The following YEATS2 variants were observed in gnomAD, a reference collection of about 807,000 sequenced individuals.
YEATS2 encodes YEATS domain-containing protein 2.
Under a neutral mutation model 163.2 loss-of-function variants are expected in YEATS2, and 77 were observed. That is an observed-to-expected ratio of 0.47 (90% CI 0.39 to 0.57). YEATS2 has a LOEUF of 0.57. Among genes scored for constraint, YEATS2 ranks in the 20% least tolerant of loss-of-function variants. The pLI, the probability that YEATS2 is intolerant of heterozygous loss-of-function variation, is 0.00. For synonymous variants in YEATS2, 631 were observed against 645.1 expected (o/e 0.98, Z 0.33); for missense variants, 1,549 against 1,729.8 (o/e 0.90, Z 1.85).
intron 20 of YEATS2, among the ~76,000 whole-genome samples, chr3:183,790,450 C>T (rs1483652382): frequency 6.6e-6 from 1 of 152,094 alleles, no homozygotes; most frequent in Non-Finnish European, 1.5e-5. Flanking sequence ...TAATAAAGCT[C>T]ATTTTTAGTC....
rs538154583 is a variant in YEATS2 at position 183,736,693 on chromosome 3, C to T, written c.813-25C>T. On this transcript the variant is annotated intron_variant, in intron 7 of 30. Coordinates refer to ENST00000305135, the MANE Select transcript of YEATS2 (RefSeq NM_018023.5). ...GGATGAGAGAGTGAACATGGATGAACGTGTTAATATCTGCTTTTCCATAGA... is the reference window on the plus strand; with the variant it reads ...GGATGAGAGAGTGAACATGGATGAATGTGTTAATATCTGCTTTTCCATAGA... The T allele has an allele frequency of 1.2e-5, 19 of 1,580,782 alleles. No individual in the cohort carries two copies. In the South Asian group the frequency reaches 1.7e-4, roughly 14 times the overall value.
At chr3:183,788,779 C>T (rs1308116345) in intron 20 of YEATS2, among the ~76,000 whole-genome samples, 3 of 152,184 alleles carry the variant, frequency 2.0e-5, no homozygotes, top group African/African-American at 7.2e-5. Flanking sequence ...TACGAGGGTT[C>T]CCTCTTCACA....
At chr3:183,759,099 G>A in intron 13 of YEATS2, 134 bp downstream of exon 13, 1 of 593,076 alleles carries the variant, frequency 1.7e-6, no homozygotes, top group Non-Finnish European at 2.8e-6. Context: ...CAAGAGATCT[G>A]CCACCTCACC....
intron 17 of YEATS2, among the ~76,000 whole-genome samples, chr3:183,774,581 A>G (rs1722785147): frequency 6.6e-6 from 1 of 152,234 alleles, no homozygotes; most frequent in Admixed American, 6.5e-5. Flanking sequence ...TGTAAGTCTT[A>G]AAGCCCCATG....
chr3:183,698,345 G>A (rs1462744650), intron 1 of YEATS2, among the ~76,000 whole-genome samples: 1 of 152,188 alleles, frequency 6.6e-6, no homozygotes, highest in East Asian at 1.9e-4. Context: ...CCAGAAAGTC[G>A]TGGGTTTACC....
At chr3:183,726,861 G>T (rs898267937) in intron 6 of YEATS2, among the ~76,000 whole-genome samples, 1 of 152,116 alleles carries the variant, frequency 6.6e-6, no homozygotes, top group African/African-American at 2.4e-5. Flanking sequence ...GAGTGCAATG[G>T]CGCGATCTCA....
At chr3:183,759,026 A>G in intron 13 of YEATS2, 61 bp downstream of exon 13, 1 of 1,237,128 alleles carries the variant, frequency 8.1e-7, no homozygotes, top group East Asian at 2.6e-5. Flanking sequence ...TTTTTAAAAA[A>G]TAATTTTTCA....
rs201594900 is a variant in YEATS2, at chr3:183,797,877, G to A, written c.3098-46G>A. On this transcript the variant is annotated intron_variant, in intron 21 of 30. Coordinates refer to ENST00000305135, the MANE Select transcript of YEATS2 (RefSeq NM_018023.5). ...AGCACAGAGGATAAGAGACTTTCCC[G>A]AAGCACCTGACCTTCAACTTGGCTT... 416 of 1,610,750 alleles carry A rather than the reference G, an allele frequency of 2.6e-4. 1 individual carries two copies. In the African/African-American group the frequency reaches 5.2e-3, roughly 20 times the overall value.
intron 1 of YEATS2, among the ~76,000 whole-genome samples, 186 bp from the exon 2 acceptor site, chr3:183,714,958 T>C (rs1392812272): frequency 6.6e-6 from 1 of 152,068 alleles, no homozygotes; most frequent in Non-Finnish European, 1.5e-5. Flanking sequence ...CTTTTGGCCT[T>C]AAAAGAAATA....
chr3:183,789,382 T>G (rs1724369061), intron 20 of YEATS2, among the ~76,000 whole-genome samples: 1 of 152,130 alleles, frequency 6.6e-6, no homozygotes. Context: ...CCAACTTACC[T>G]ATTTTTCTTT....
chr3:183,798,461 C>T (rs1235542886), intron 22 of YEATS2, among the ~76,000 whole-genome samples: 1 of 152,164 alleles, frequency 6.6e-6, no homozygotes, highest in Admixed American at 6.5e-5. Flanking sequence ...TCAAGCGATT[C>T]GCATGCCTCA....
At chr3:183,747,767 A>G (rs1480604696) in intron 9 of YEATS2, 51 bp downstream of exon 9, 8 of 1,561,022 alleles carry the variant, frequency 5.1e-6, no homozygotes. Context: ...ATGAAAATTG[A>G]TCTTCATTTT....
Position 183,776,029 on chromosome 3 carries a change from G to T in YEATS2, c.2483G>T (p.Gly828Val), listed in dbSNP as rs758194170. The change falls in exon 18 of 31, where the codon GGA (glycine) becomes GTA (valine). Residue 828 changes from glycine to valine, a missense_variant. Gly to Val is a moderately radical substitution (Grantham distance 109). Coordinates refer to ENST00000305135, the MANE Select transcript of YEATS2 (RefSeq NM_018023.5). ...GGGGSTGGGG[G>V]TAGGGTQSTA... ...GGCGGCAGCACAGGAGGAGGAGGAG[G>T]AACAGCAGGAGGAGGAACTCAAAGT... The T allele has an allele frequency of 6.2e-7, 1 of 1,613,094 alleles. No homozygotes were observed. Among genetic ancestry groups the T allele is most frequent in the Non-Finnish European group, 8.5e-7 (1 of 1,179,690 alleles).
At position 183,711,470 on chromosome 3, in the gene YEATS2, CA is replaced by C. The variant is rs532093071; in HGVS notation, c.-19-3656del. On this transcript the variant is annotated intron_variant, in intron 1 of 30. Transcript: ENST00000305135. ...CCTGGGAGACAGCGAGACTCTGTCT[CA>C]AAAAAAAAAAAAAAAAAGCTTTAAA... 4.2e-3 allele frequency among the ~76,000 whole-genome samples: 294 copies of C among 70,804 alleles called. 1 individual carries two copies. The highest frequency in any genetic ancestry group is 0.032 in the Middle Eastern group (4 of 124). 46.5% of individuals were successfully genotyped at this position (70,804 alleles called of 152,430 possible). A position where few individuals can be genotyped will look rare whatever the true frequency, so the allele number is the denominator to read the frequency against.
At chr3:183,768,788 C>T (rs1478776480) in intron 15 of YEATS2, among the ~76,000 whole-genome samples, 1 of 152,150 alleles carries the variant, frequency 6.6e-6, no homozygotes, top group East Asian at 1.9e-4. Context: ...GCCTGACCAG[C>T]ATGGAGAAAC....
intron 8 of YEATS2, among the ~76,000 whole-genome samples, chr3:183,741,085 C>T (rs1282530046): frequency 6.6e-6 from 1 of 151,780 alleles, no homozygotes; most frequent in Non-Finnish European, 1.5e-5. Context: ...ATTACAGACC[C>T]CTGCCACCAC....
At chr3:183,776,569 A>C (rs1723022878) in intron 18 of YEATS2, among the ~76,000 whole-genome samples, 1 of 152,294 alleles carries the variant, frequency 6.6e-6, no homozygotes. Context: ...ATGTGTTTTT[A>C]TCTTTTTTGC....
At chr3:183,699,181 A>G (rs1306409320) in intron 1 of YEATS2, among the ~76,000 whole-genome samples, 4 of 151,982 alleles carry the variant, frequency 2.6e-5, no homozygotes, top group African/African-American at 9.7e-5. Flanking sequence ...CAAGACTTGG[A>G]TTGGTGAGGG....
intron 19 of YEATS2, among the ~76,000 whole-genome samples, chr3:183,782,104 T>G (rs1229973486): frequency 6.6e-6 from 1 of 152,072 alleles, no homozygotes; most frequent in Non-Finnish European, 1.5e-5. Flanking sequence ...CTTGAGTTAA[T>G]TTTTTAATTT....
Sources: gnomAD v4.1 joint callset for allele counts (sites outside exome capture counted in the v4.1 genomes callset) on GRCh38, gnomAD v4.1.1 for gene constraint, MANE v1.5 for transcripts, NCBI Gene and HGNC (gene_info 2026-07-23, HGNC 2026-07-21) for gene names.